THSD7B: variants seen among roughly 807,000 people sequenced by gnomAD.
THSD7B encodes thrombospondin type-1 domain-containing protein 7B.
In THSD7B, 138 loss-of-function variants were observed where a neutral mutation model predicts 213.6. That is an observed-to-expected ratio of 0.65 (90% CI 0.56 to 0.74). The LOEUF (loss-of-function observed/expected upper bound fraction) is 0.74. Among genes scored for constraint, THSD7B ranks in the 30% least tolerant of loss-of-function variants. The pLI is 0.00. For missense variants in THSD7B, 1,931 were observed against 1,991.5 expected (o/e 0.97, Z 0.58); for synonymous variants, 742 against 687.0 (o/e 1.08, Z -1.25).
chr2:137,556,716 G>C (rs959538997), intron 15 of THSD7B, among the ~76,000 whole-genome samples: 1 of 152,106 alleles, frequency 6.6e-6, no homozygotes, highest in African/African-American at 2.4e-5. Context: ...ATGTAAATGG[G>C]CTAAATGCTC....
At chr2:137,560,738 C>T (rs565953038) in intron 15 of THSD7B, among the ~76,000 whole-genome samples, 23 of 151,854 alleles carry the variant, frequency 1.5e-4, no homozygotes, top group South Asian at 1.5e-3. Context: ...TAAAGAAATG[C>T]TAAAAGATGC....
intron 5 of THSD7B, among the ~76,000 whole-genome samples, chr2:137,145,847 A>G (rs562069204): frequency 6.6e-6 from 1 of 152,094 alleles, no homozygotes; most frequent in Admixed American, 6.6e-5. Context: ...GCATTTAAGA[A>G]CCTCCAGATA....
chr2:136,934,036 C>A (rs1383986202), intron 2 of THSD7B, among the ~76,000 whole-genome samples: 1 of 152,142 alleles, frequency 6.6e-6, no homozygotes, highest in Non-Finnish European at 1.5e-5. Flanking sequence ...CTCTACAAGC[C>A]TCATTGACAC....
intron 20 of THSD7B, among the ~76,000 whole-genome samples, chr2:137,634,320 CAAT>C (rs143607315): frequency 0.012 from 1,779 of 152,142 alleles, 21 homozygotes; most frequent in Non-Finnish European, 0.02. Flanking sequence ...GAAAGCAAGC[CAAT>C]AATAATGTCA....
chr2:137,451,700 T>C (rs1268242009), intron 15 of THSD7B, among the ~76,000 whole-genome samples: 1 of 152,082 alleles, frequency 6.6e-6, no homozygotes, highest in Non-Finnish European at 1.5e-5. Flanking sequence ...GAGTCTAAGA[T>C]TTCATTAAGA....
chr2:137,415,657 T>C (rs1442653308), intron 14 of THSD7B, among the ~76,000 whole-genome samples: 1 of 135,532 alleles, frequency 7.4e-6, no homozygotes, highest in Admixed American at 8.4e-5. Flanking sequence ...ATGTTTCTTA[T>C]ATCAGTGTTT....
At chr2:137,642,317 C>A in intron 20 of THSD7B, 171 bp from the exon 21 acceptor site, 2 of 707,414 alleles carry the variant, frequency 2.8e-6, no homozygotes, top group Non-Finnish European at 4.5e-6. Flanking sequence ...ACCTAGATAG[C>A]CTGTGTCTCT....
intron 15 of THSD7B, among the ~76,000 whole-genome samples, chr2:137,540,210 G>A (rs1573694366): frequency 6.6e-6 from 1 of 151,696 alleles, no homozygotes; most frequent in East Asian, 2.0e-4. Context: ...ACTTGATTTA[G>A]AGAAGTAGGC....
intron 20 of THSD7B, among the ~76,000 whole-genome samples, chr2:137,623,188 A>G (rs1241465543): frequency 6.6e-6 from 1 of 152,202 alleles, no homozygotes; most frequent in African/African-American, 2.4e-5. Flanking sequence ...GCGAATCAAT[A>G]AACATAATTC....
At chr2:137,194,071 C>T (rs1031964808) in intron 7 of THSD7B, among the ~76,000 whole-genome samples, 1 of 152,134 alleles carries the variant, frequency 6.6e-6, no homozygotes, top group Non-Finnish European at 1.5e-5. Context: ...CACAACTTGC[C>T]TCCAAACACA....
intron 5 of THSD7B, among the ~76,000 whole-genome samples, chr2:137,122,007 C>T (rs1314465353): frequency 6.6e-6 from 1 of 152,012 alleles, no homozygotes; most frequent in Non-Finnish European, 1.5e-5. Context: ...GGGAAATGGC[C>T]TGTGGGGAAA....
At chr2:137,669,078 T>C (rs1683509864) in intron 27 of THSD7B, among the ~76,000 whole-genome samples, 1 of 135,866 alleles carries the variant, frequency 7.4e-6, no homozygotes, top group African/African-American at 2.5e-5. Flanking sequence ...TTTCAATGGA[T>C]TTTTTTTAAT....
chr2:137,569,487 CT>C (rs1228948402), intron 16 of THSD7B, among the ~76,000 whole-genome samples: 1 of 152,150 alleles, frequency 6.6e-6, no homozygotes, highest in Admixed American at 6.5e-5. Context: ...TGGGCAATCA[CT>C]TACCTGTGTG....
intron 10 of THSD7B, among the ~76,000 whole-genome samples, chr2:137,257,172 G>C (rs369077593): frequency 3.3e-5 from 5 of 152,172 alleles, no homozygotes; most frequent in Admixed American, 3.3e-4. Context: ...ATTCACTTTT[G>C]TCATGAGTTT....
chr2:137,027,849 C>G (rs1686583663), intron 2 of THSD7B, among the ~76,000 whole-genome samples: 1 of 152,150 alleles, frequency 6.6e-6, no homozygotes, highest in African/African-American at 2.4e-5. Flanking sequence ...GACTCTGGCA[C>G]TCATTGGCCT....
At chr2:137,320,178 CTT>C (rs769241737) in intron 12 of THSD7B, among the ~76,000 whole-genome samples, 4 of 152,104 alleles carry the variant, frequency 2.6e-5, no homozygotes, top group Non-Finnish European at 5.9e-5. Flanking sequence ...ACTGATTAGA[CTT>C]TTTTCTTTTC....
At chr2:137,615,401 A>G (rs1463625223) in intron 17 of THSD7B, among the ~76,000 whole-genome samples, 10 of 152,176 alleles carry the variant, frequency 6.6e-5, no homozygotes, top group Admixed American at 6.5e-4. Flanking sequence ...TAGGATTTGG[A>G]GGACAGTGGA....
chr2:136,770,342 T>A (rs1327751806), intron 1 of THSD7B, among the ~76,000 whole-genome samples: 1 of 152,186 alleles, frequency 6.6e-6, no homozygotes, highest in Non-Finnish European at 1.5e-5. Context: ...CTCTCCTCTA[T>A]TGATTTTTGC....
At chr2:137,579,537 C>T (rs188170092) in intron 17 of THSD7B, among the ~76,000 whole-genome samples, 5 of 150,228 alleles carry the variant, frequency 3.3e-5, no homozygotes, top group Non-Finnish European at 5.9e-5. Context: ...CACGCGCGTG[C>T]GCACACACAC....
Sources: allele counts gnomAD v4.1 joint callset (sites outside exome capture counted in the v4.1 genomes callset), GRCh38; gene constraint gnomAD v4.1.1; transcripts MANE v1.5; gene names NCBI Gene and HGNC (gene_info 2026-07-23, HGNC 2026-07-21).